NEXMIF: variants seen among roughly 807,000 people sequenced by gnomAD.
The protein encoded by NEXMIF is XLMR protein related to neurite extension.
Under a neutral mutation model 62.1 loss-of-function variants are expected in NEXMIF, and 8 were observed. The ratio of observed to expected loss-of-function variants is 0.13; its 90% CI spans 0.08 to 0.23. NEXMIF has a LOEUF of 0.23. NEXMIF is among the 10% of genes least tolerant of loss of function. NEXMIF has a pLI of 1.00. For synonymous variants in NEXMIF, 404 were observed against 416.6 expected, an observed-to-expected ratio of 0.97 and a Z score of 0.37; for missense variants, 976 against 1,113.3, an observed-to-expected ratio of 0.88 and a Z score of 1.75.
chrX:74,886,977 G>C (rs1173035528), intron 1 of NEXMIF, among the ~76,000 whole-genome samples: 1 of 111,190 alleles, frequency 9.0e-6, no homozygotes, highest in Admixed American at 9.6e-5. Flanking sequence ...ACAGAACAGA[G>C]CCCTCAGAAA....
chrX:74,883,525 C>G (rs1038563649), intron 1 of NEXMIF, among the ~76,000 whole-genome samples: 1 of 111,656 alleles, frequency 9.0e-6, no homozygotes, highest in Non-Finnish European at 1.9e-5. Context: ...CCAATGCAAT[C>G]AACTGAAAGA....
intron 1 of NEXMIF, among the ~76,000 whole-genome samples, chrX:74,763,592 T>C (rs1238514345): frequency 8.9e-6 from 1 of 111,930 alleles, no homozygotes; most frequent in African/African-American, 3.2e-5. Flanking sequence ...ATTCTTCCTA[T>C]CCATGAGCAT....
At chrX:74,880,629 T>C (rs16991826) in intron 1 of NEXMIF, among the ~76,000 whole-genome samples, 6,281 of 112,119 alleles carry the variant, frequency 0.056, 206 homozygotes, top group South Asian at 0.12. Context: ...TAAAGCCTAA[T>C]GGAATGAGCA....
At chrX:74,906,707 G>T (rs2080770288) in intron 1 of NEXMIF, among the ~76,000 whole-genome samples, 1 of 110,645 alleles carries the variant, frequency 9.0e-6, no homozygotes, top group South Asian at 3.9e-4. Context: ...TTCCCTCACA[G>T]TACTTAGCTT....
chrX:74,739,559 G>T, intron 3 of NEXMIF, 61 bp from the exon 4 acceptor site: 1 of 709,986 alleles, frequency 1.4e-6, no homozygotes, highest in Non-Finnish European at 2.1e-6. Flanking sequence ...TCCCACAAAG[G>T]GATCATACAA....
At chrX:74,819,444 A>G (rs916025368) in intron 1 of NEXMIF, among the ~76,000 whole-genome samples, 2 of 112,180 alleles carry the variant, frequency 1.8e-5, no homozygotes, top group Admixed American at 9.4e-5. Context: ...CATCTGACAA[A>G]GGGCTGATAT....
chrX:74,923,033 T>C (rs182871865), intron 1 of NEXMIF, among the ~76,000 whole-genome samples: 1 of 111,816 alleles, frequency 8.9e-6, no homozygotes, highest in Non-Finnish European at 1.9e-5. Context: ...GCAATCTATC[T>C]AGATTTTCGG....
In NEXMIF at chrX:74,860,803, C is replaced by G. The variant is rs749744386; in HGVS notation, c.-48+64080G>C. ...AAGTGTGTACATCAAAAAAGAAGAA[C>G]AACTTCAAATAAACAACCTAATGAT... On this transcript the variant is annotated intron_variant, in intron 1 of 3. Transcript: ENST00000055682. Among the ~76,000 whole-genome samples, 15 of 111,323 alleles carry G rather than the reference C, an allele frequency of 1.3e-4. No homozygotes were observed. In the East Asian group the frequency reaches 3.4e-3, roughly 25 times the overall value.
At chrX:74,841,277 C>A (rs1373901825) in intron 1 of NEXMIF, among the ~76,000 whole-genome samples, 1 of 111,267 alleles carries the variant, frequency 9.0e-6, no homozygotes, top group Non-Finnish European at 1.9e-5. Flanking sequence ...GGCTCTCGGT[C>A]TGGCTGTTGT....
intron 1 of NEXMIF, among the ~76,000 whole-genome samples, chrX:74,896,325 T>C (rs1449734388): frequency 9.0e-6 from 1 of 111,498 alleles, no homozygotes; most frequent in African/African-American, 3.3e-5. Context: ...ATTCAACATT[T>C]GCTAACTAAA....
chrX:74,823,706 A>AGAT (rs1209114309), intron 1 of NEXMIF, among the ~76,000 whole-genome samples: 1 of 99,762 alleles, frequency 1.0e-5, no homozygotes, highest in Non-Finnish European at 2.0e-5. Flanking sequence ...ACAGATAGAT[A>AGAT]GATAGATAGA....
At chrX:74,796,303 TAC>T (rs72437199) in intron 1 of NEXMIF, among the ~76,000 whole-genome samples, 44 of 65,213 alleles carry the variant, frequency 6.7e-4, no homozygotes, top group African/African-American at 1.6e-3. Context: ...TATATATATA[TAC>T]ACACACACAC....
intron 1 of NEXMIF, among the ~76,000 whole-genome samples, chrX:74,847,260 T>C (rs1383225388): frequency 8.9e-6 from 1 of 112,130 alleles, no homozygotes; most frequent in African/African-American, 3.2e-5. Flanking sequence ...GGGAAGTAGG[T>C]CCCTCTAGAA....
chrX:74,773,908 C>CAAAAAAAAAAAAAAAAAAAAAAAAA (rs61514458), intron 1 of NEXMIF, among the ~76,000 whole-genome samples: 1 of 38,082 alleles, frequency 2.6e-5, no homozygotes, highest in Non-Finnish European at 4.3e-5. Context: ...GACTCCGTCT[C>CAAAAAAAAAAAAAAAAAAAAAAAAA]AAAAAAAAAA....
At chrX:74,813,184 C>A (rs1408915123) in intron 1 of NEXMIF, among the ~76,000 whole-genome samples, 2 of 111,261 alleles carry the variant, frequency 1.8e-5, no homozygotes, top group Non-Finnish European at 3.8e-5. Flanking sequence ...GATGGCATAG[C>A]CTTAATTAAA....
chrX:74,885,520 T>G (rs1427551811), intron 1 of NEXMIF, among the ~76,000 whole-genome samples: 1 of 111,556 alleles, frequency 9.0e-6, no homozygotes, highest in Non-Finnish European at 1.9e-5. Context: ...TATAAACACC[T>G]CTACGCAAAT....
intron 1 of NEXMIF, among the ~76,000 whole-genome samples, chrX:74,852,500 A>G (rs926108081): frequency 8.9e-6 from 1 of 112,154 alleles, no homozygotes; most frequent in Non-Finnish European, 1.9e-5. Context: ...ATTTCATCCA[A>G]CAGCTACAGA....
intron 1 of NEXMIF, among the ~76,000 whole-genome samples, chrX:74,776,184 G>A (rs2080227877): frequency 9.0e-6 from 1 of 111,416 alleles, no homozygotes; most frequent in African/African-American, 3.3e-5. Context: ...TGTACCTTAA[G>A]TAAATGAAGA....
chrX:74,924,355 C>T (rs996087354), intron 1 of NEXMIF, among the ~76,000 whole-genome samples: 1 of 112,759 alleles, frequency 8.9e-6, no homozygotes, highest in Non-Finnish European at 1.9e-5. Flanking sequence ...TAAACCTGTC[C>T]GCAGCCTCGG....
Sources: gnomAD v4.1 joint callset for allele counts (sites outside exome capture counted in the v4.1 genomes callset) on GRCh38, gnomAD v4.1.1 for gene constraint, MANE v1.5 for transcripts, NCBI Gene and HGNC (gene_info 2026-07-23, HGNC 2026-07-21) for gene names.